PLCB1: variants seen among roughly 807,000 people sequenced by gnomAD.
The protein encoded by PLCB1 is phospholipase C beta 1.
In PLCB1, 46 loss-of-function variants were observed where a neutral mutation model predicts 161.8. The observed-to-expected ratio is 0.28, with a 90% CI of 0.22 to 0.36. PLCB1 has a LOEUF of 0.36. Among genes scored for constraint, PLCB1 ranks in the 10% least tolerant of loss-of-function variants. The pLI is 1.00. For missense variants in PLCB1, 1,016 were observed against 1,472.5 expected, an observed-to-expected ratio of 0.69 and a Z score of 5.07; for synonymous variants, 517 against 503.7, an observed-to-expected ratio of 1.03 and a Z score of -0.35.
At chr20:8,308,554 T>A (rs1021574063) in intron 2 of PLCB1, among the ~76,000 whole-genome samples, 4 of 149,370 alleles carry the variant, frequency 2.7e-5, no homozygotes, top group African/African-American at 1.0e-4. Flanking sequence ...GAGGCAAAGG[T>A]TGCAGTGAGC....
intron 2 of PLCB1, among the ~76,000 whole-genome samples, chr20:8,214,168 A>T (rs1188124899): frequency 6.6e-6 from 1 of 152,112 alleles, no homozygotes; most frequent in African/African-American, 2.4e-5. Context: ...GGTATTATAT[A>T]TATGCTGATG....
chr20:8,656,068 C>T (rs544927707), intron 7 of PLCB1, among the ~76,000 whole-genome samples: 1 of 152,114 alleles, frequency 6.6e-6, no homozygotes, highest in South Asian at 2.1e-4. Flanking sequence ...TGGATTTGAC[C>T]GCTTGTGCTT....
chr20:8,136,982 C>T (rs1472887854), intron 1 of PLCB1, among the ~76,000 whole-genome samples: 1 of 152,112 alleles, frequency 6.6e-6, no homozygotes, highest in Non-Finnish European at 1.5e-5. Flanking sequence ...CACGTTCTGT[C>T]TTACAAGCAT....
At chr20:8,579,833 G>A (rs1216890660) in intron 3 of PLCB1, among the ~76,000 whole-genome samples, 2 of 151,280 alleles carry the variant, frequency 1.3e-5, no homozygotes, top group Non-Finnish European at 2.9e-5. Context: ...GCCCACATAG[G>A]GAAGCACCAG....
intron 1 of PLCB1, among the ~76,000 whole-genome samples, chr20:8,142,853 A>T (rs2051417715): frequency 6.6e-6 from 1 of 152,200 alleles, no homozygotes; most frequent in African/African-American, 2.4e-5. Flanking sequence ...CCCTGGAACA[A>T]TGCTTTTAAT....
chr20:8,395,632 G>C (rs1389453710), intron 3 of PLCB1, among the ~76,000 whole-genome samples: 1 of 151,940 alleles, frequency 6.6e-6, no homozygotes, highest in Non-Finnish European at 1.5e-5. Flanking sequence ...AAAACTTTGA[G>C]AAAGTATGTT....
chr20:8,471,382 C>T (rs550357982), intron 3 of PLCB1, among the ~76,000 whole-genome samples: 2 of 152,202 alleles, frequency 1.3e-5, no homozygotes, highest in South Asian at 2.1e-4. Flanking sequence ...GGAACACACT[C>T]GGGGAAGCAT....
rs572491149 is a variant in PLCB1 at position 8,446,259 on chromosome 20, C to T, written c.246+74809C>T. On this transcript the variant is annotated intron_variant, in intron 3 of 31. Transcript: ENST00000338037. ...GGATGCAAGGCTGGTTCAACATATGCAAATCAATAAACGTAATCCAGCATA... is the reference window on the plus strand; with the variant it reads ...GGATGCAAGGCTGGTTCAACATATGTAAATCAATAAACGTAATCCAGCATA... Among the ~76,000 whole-genome samples, 3 of 152,236 alleles carry T rather than the reference C, an allele frequency of 2.0e-5. No homozygotes were observed. The East Asian group carries it at 5.8e-4, about 29-fold the overall frequency.
At chr20:8,586,073 C>G (rs562740948) in intron 3 of PLCB1, among the ~76,000 whole-genome samples, 30 of 152,156 alleles carry the variant, frequency 2.0e-4, no homozygotes, top group Admixed American at 3.9e-4. Context: ...GATAAGCAAG[C>G]CTCCTTGATT....
At chr20:8,606,135 C>T (rs1309307612) in intron 3 of PLCB1, among the ~76,000 whole-genome samples, 1 of 152,108 alleles carries the variant, frequency 6.6e-6, no homozygotes, top group Non-Finnish European at 1.5e-5. Flanking sequence ...GTGTTGCCTT[C>T]CTATTCCAAT....
Position 8,611,218 on chromosome 20 carries a change from A to C in PLCB1, c.247-17076A>C, listed in dbSNP as rs904832639. ...ATGTAAAATTCTATTTTAAGGAAAA[A>C]AATATTGTGTTTTGAAGGCTAAGAA... On this transcript the variant is annotated intron_variant, in intron 3 of 31. Coordinates refer to ENST00000338037, the MANE Select transcript of PLCB1 (RefSeq NM_015192.4). 2.0e-5 allele frequency among the ~76,000 whole-genome samples: 3 copies of C among 152,096 alleles called. No individual in the cohort carries two copies. The East Asian group carries it at 5.8e-4, about 29-fold the overall frequency.
At chr20:8,246,934 C>G (rs767281742) in intron 2 of PLCB1, among the ~76,000 whole-genome samples, 1 of 151,790 alleles carries the variant, frequency 6.6e-6, no homozygotes, top group South Asian at 2.1e-4. Flanking sequence ...ATTTTAATCT[C>G]TATTTCTCAG....
At chr20:8,376,292 T>C (rs563503117) in intron 3 of PLCB1, among the ~76,000 whole-genome samples, 33 of 152,382 alleles carry the variant, frequency 2.2e-4, no homozygotes, top group African/African-American at 7.9e-4. Context: ...TTAATTTTAA[T>C]GTAGATTCTT....
At chr20:8,211,687 TTTAC>T (rs1978833337) in intron 2 of PLCB1, among the ~76,000 whole-genome samples, 1 of 152,046 alleles carries the variant, frequency 6.6e-6, no homozygotes, top group Admixed American at 6.6e-5. Flanking sequence ...TTCCTTAAAT[TTTAC>T]TTAGTTTTGT....
intron 9 of PLCB1, among the ~76,000 whole-genome samples, chr20:8,673,646 C>T (rs1450454596): frequency 6.6e-6 from 1 of 152,054 alleles, no homozygotes; most frequent in Non-Finnish European, 1.5e-5. Flanking sequence ...TTTGTAGTGT[C>T]ATTTACGGCT....
chr20:8,727,817 T>C (rs1436403302), intron 17 of PLCB1, among the ~76,000 whole-genome samples: 2 of 152,092 alleles, frequency 1.3e-5, no homozygotes, highest in Non-Finnish European at 2.9e-5. Flanking sequence ...TCTCACATAC[T>C]TATATGTACT....
intron 3 of PLCB1, among the ~76,000 whole-genome samples, chr20:8,545,687 C>G (rs142254209): frequency 3.3e-5 from 5 of 152,308 alleles, no homozygotes; most frequent in Non-Finnish European, 5.9e-5. Flanking sequence ...CCAAGGATGA[C>G]TCTCAAATTC....
At chr20:8,343,127 C>G (rs1985873442) in intron 2 of PLCB1, among the ~76,000 whole-genome samples, 1 of 152,192 alleles carries the variant, frequency 6.6e-6, no homozygotes, top group South Asian at 2.1e-4. Flanking sequence ...ACTTTTCAAA[C>G]TTAATGTGTG....
chr20:8,483,189 A>G (rs1568693494), intron 3 of PLCB1, among the ~76,000 whole-genome samples: 1 of 152,170 alleles, frequency 6.6e-6, no homozygotes, highest in African/African-American at 2.4e-5. Flanking sequence ...CTCTAATTCT[A>G]TTGTAAGCAC....
Sources: gnomAD v4.1 joint callset for allele counts (sites outside exome capture counted in the v4.1 genomes callset) on GRCh38, gnomAD v4.1.1 for gene constraint, MANE v1.5 for transcripts, NCBI Gene and HGNC (gene_info 2026-07-23, HGNC 2026-07-21) for gene names.